PLG: variants seen among roughly 807,000 people sequenced by gnomAD.
The protein encoded by PLG is plasmin.
Under a neutral mutation model 104.4 loss-of-function variants are expected in PLG, and 41 were observed. That is an observed-to-expected ratio of 0.39 (90% confidence interval 0.31 to 0.51). PLG has a LOEUF of 0.51. PLG is among the 20% of genes least tolerant of loss of function. PLG has a pLI of 0.76. For missense variants in PLG, 891 were observed against 1,003.6 expected (o/e 0.89, Z 1.52); for synonymous variants, 337 against 357.1 (o/e 0.94, Z 0.63).
intron 17 of PLG, among the ~76,000 whole-genome samples, chr6:160,750,287 G>A (rs898323933): frequency 7.2e-5 from 11 of 152,098 alleles, no homozygotes; most frequent in Non-Finnish European, 1.2e-4. Flanking sequence ...TCTCCCCAAC[G>A]CCCCATCGGG....
In PLG at chr6:160,738,306, C is replaced by G. The variant is rs1778122596; in HGVS notation, c.1803-232C>G. 3 of 545,278 alleles carry G rather than the reference C, an allele frequency of 5.5e-6. No individual in the cohort carries two copies. The highest frequency in any genetic ancestry group is 6.8e-6 in the Non-Finnish European group (2 of 295,950). 33.8% of individuals were successfully genotyped at this position (545,278 alleles called of 1,614,324 possible). A position where few individuals can be genotyped will look rare whatever the true frequency, so the allele number is the denominator to read the frequency against. On this transcript the variant is annotated intron_variant, in intron 14 of 18. Coordinates refer to ENST00000308192, the MANE Select transcript of PLG (RefSeq NM_000301.5). This position sits in a 1 kb window ranked among gnomAD's most constrained non-coding sequence, Gnocchi z 6.8. ...TTTGCTCTCCTGTGGACAGGCCATG[C>G]CTGTGCCTCCCCCAAGCATCGGAAA...
Position 160,738,981 on chromosome 6 carries a change from T to TC in PLG, c.1878-86dup. The TC allele has an allele frequency of 6.6e-7, 1 of 1,518,218 alleles. No individual in the cohort carries two copies. Among genetic ancestry groups the TC allele is most frequent in the East Asian group, 2.3e-5 (1 of 44,308 alleles). The allele number at this position is 1,518,218 out of a possible 1,614,324, so 94.0% of individuals were successfully genotyped here. Reference sequence around the variant, plus strand: ...CACTAATTCTGAGTGGCCAAGGGTGTCAGGGAGACAGCACCAATTTCATGG... The same window carrying TC: ...CACTAATTCTGAGTGGCCAAGGGTGTCCAGGGAGACAGCACCAATTTCATGG... On this transcript the variant is annotated intron_variant, in intron 15 of 18. Coordinates refer to ENST00000308192, the MANE Select transcript of PLG (RefSeq NM_000301.5). This position sits in a 1 kb window ranked among gnomAD's most constrained non-coding sequence, Gnocchi z 6.8.
chr6:160,718,881 C>A (rs373262924), intron 9 of PLG, 43 bp downstream of exon 9: 218 of 1,584,340 alleles, frequency 1.4e-4, no homozygotes, highest in Non-Finnish European at 1.8e-4. Flanking sequence ...CAAGTTTTCT[C>A]CTTATTTTTG....
chr6:160,729,259 T>C (rs1005006194), intron 10 of PLG, among the ~76,000 whole-genome samples: 3 of 152,234 alleles, frequency 2.0e-5, no homozygotes, highest in African/African-American at 7.2e-5. Flanking sequence ...ATAAGTGCTG[T>C]CACTGATGTG....
rs1451587440 is a variant in PLG at position 160,731,419 on chromosome 6, GA to G, written c.1438+188del. ...AGAGGTGTGACTTTTGGCACAACGT[GA>G]GTGGGCTGTGCCTTTAGGACAGGTG... On this transcript the variant is annotated intron_variant, in intron 11 of 18. Coordinates refer to ENST00000308192, the MANE Select transcript of PLG (RefSeq NM_000301.5). This position sits in a 1 kb window ranked among gnomAD's most constrained non-coding sequence, Gnocchi z 5.1. Among the ~76,000 whole-genome samples the G allele has an allele frequency of 6.6e-6, 1 of 152,212 alleles. No homozygotes were observed. Among genetic ancestry groups the G allele is most frequent in the Non-Finnish European group, 1.5e-5 (1 of 68,036 alleles).
At chr6:160,716,151 G>T (rs1380568147) in intron 6 of PLG, among the ~76,000 whole-genome samples, 1 of 152,236 alleles carries the variant, frequency 6.6e-6, no homozygotes, top group Non-Finnish European at 1.5e-5. Flanking sequence ...TACTAGATGA[G>T]TATCTTTAGG....
rs1210176545 is a variant in PLG at position 160,738,720 on chromosome 6, G to A, written c.1877+108G>A. 1.2e-6 allele frequency: 1 copy of A among 845,692 alleles called. No individual in the cohort carries two copies. Among genetic ancestry groups the A allele is most frequent in the African/African-American group, 1.7e-5 (1 of 60,168 alleles). 52.4% of individuals were successfully genotyped at this position (845,692 alleles called of 1,614,324 possible). A position where few individuals can be genotyped will look rare whatever the true frequency, so the allele number is the denominator to read the frequency against. ...CTCACTCTTCCTCCCTTCCTTCTCT[G>A]GCTGTGACACTAGGGACCAGGCCAG... On this transcript the variant is annotated intron_variant, in intron 15 of 18. Coordinates refer to ENST00000308192, the MANE Select transcript of PLG (RefSeq NM_000301.5). The surrounding 1 kb of genome is among the most constrained non-coding windows in gnomAD (Gnocchi z 6.8).
At position 160,748,382 on chromosome 6, in the gene PLG, A is replaced by AAGAGAGAG. The variant is rs1562383392; in HGVS notation, c.2126-3730_2126-3729insGAGAGAGA. ...AAAGAAAGAAAGAAAGAAAGAAAGA[A>AAGAGAGAG]AGAAAGAAAGAAAGAAAGGAAGAAA... On this transcript the variant is annotated intron_variant, in intron 17 of 18. Coordinates refer to ENST00000308192, the MANE Select transcript of PLG (RefSeq NM_000301.5). Among the ~76,000 whole-genome samples, 82 of 42,458 alleles carry AAGAGAGAG rather than the reference A, an allele frequency of 1.9e-3. 1 individual carries two copies. The highest frequency in any genetic ancestry group is 6.2e-3 in the South Asian group (5 of 804). 27.9% of individuals were successfully genotyped at this position (42,458 alleles called of 152,430 possible).
intron 5 of PLG, among the ~76,000 whole-genome samples, chr6:160,714,049 C>T (rs1407965154): frequency 6.6e-6 from 1 of 152,156 alleles, no homozygotes; most frequent in African/African-American, 2.4e-5. Flanking sequence ...TTTATTTGTA[C>T]ACCATGTTAT....
chr6:160,733,846 GAAAAA>G (rs10540264), intron 12 of PLG, 144 bp from the exon 13 acceptor site: 10,586 of 345,918 alleles, frequency 0.031, 5 homozygotes, highest in East Asian at 0.044. Flanking sequence ...CTCCACCTCA[GAAAAA>G]AAAAAAAAAA....
chr6:160,727,695 T>C (rs113465574), intron 10 of PLG, among the ~76,000 whole-genome samples: 10 of 152,110 alleles, frequency 6.6e-5, no homozygotes, highest in African/African-American at 2.4e-4. Context: ...ATTATGTCAA[T>C]AGATGCAGAA....
intron 4 of PLG, 71 bp downstream of exon 4, chr6:160,711,262 T>C (rs1777636456): frequency 4.3e-6 from 6 of 1,407,032 alleles, no homozygotes; most frequent in Middle Eastern, 1.8e-4. Context: ...GAGGGATTGG[T>C]TCCAGGACCC....
chr6:160,716,044 T>C (rs1040475938), intron 6 of PLG, among the ~76,000 whole-genome samples: 40 of 152,194 alleles, frequency 2.6e-4, no homozygotes, highest in Admixed American at 2.5e-3. Context: ...CTCCTCTTGG[T>C]TTTTCTAAGC....
chr6:160,747,623 T>TTTTG (rs1449476824), intron 17 of PLG, among the ~76,000 whole-genome samples: 6 of 129,394 alleles, frequency 4.6e-5, no homozygotes, highest in Non-Finnish European at 8.4e-5. Context: ...GAAGAAAGGT[T>TTTTG]TGTTTTTGTT....
intron 17 of PLG, among the ~76,000 whole-genome samples, chr6:160,743,399 A>T (rs1370009823): frequency 6.6e-6 from 1 of 151,964 alleles, no homozygotes; most frequent in Non-Finnish European, 1.5e-5. Flanking sequence ...GTATTCTTAC[A>T]TATTTTATTC....
Position 160,739,800 on chromosome 6 carries a change from A to G in PLG, c.2018+592A>G, listed in dbSNP as rs1281008414. ...CAAAAAAACAAAAAACAAACAAAAA[A>G]AAAACAACTTCACAATGTCAAAAAA... is the stretch of plus-strand genomic sequence containing the variant. On this transcript the variant is annotated intron_variant, in intron 16 of 18. Coordinates refer to ENST00000308192, the MANE Select transcript of PLG (RefSeq NM_000301.5). The surrounding 1 kb of genome is among the most constrained non-coding windows in gnomAD (Gnocchi z 4.4). Among the ~76,000 whole-genome samples, 1 of 151,892 alleles carries G rather than the reference A, an allele frequency of 6.6e-6. No homozygotes were observed. The highest frequency in any genetic ancestry group is 6.6e-5 in the Admixed American group (1 of 15,248).
In PLG at chr6:160,738,994, AC is replaced by A; in HGVS notation, c.1878-72del. ...TGGCCAAGGGTGTCAGGGAGACAGC[AC>A]CAATTTCATGGCACAGAGGTTACCT... is the stretch of plus-strand genomic sequence containing the variant. On this transcript the variant is annotated intron_variant, in intron 15 of 18. Coordinates refer to ENST00000308192, the MANE Select transcript of PLG (RefSeq NM_000301.5). The surrounding 1 kb of genome is among the most constrained non-coding windows in gnomAD (Gnocchi z 6.8). 3 of 1,580,352 alleles carry A rather than the reference AC, an allele frequency of 1.9e-6. No homozygotes were observed. The highest frequency in any genetic ancestry group is 2.2e-5 in the South Asian group (2 of 90,334).
chr6:160,706,557 G>C lies in PLG; in HGVS notation c.185+15G>C. The C allele has an allele frequency of 6.2e-7, 1 of 1,611,530 alleles. No homozygotes were observed. Among genetic ancestry groups the C allele is most frequent in the Non-Finnish European group, 8.5e-7 (1 of 1,177,970 alleles). On this transcript the variant is annotated intron_variant, in intron 2 of 18. Transcript: ENST00000308192. Reference sequence around the variant, plus strand: ...TTCACCTGCAGGTATTTCCATTGTCGTTGCACCTACGCAGGAATCTGTAAT... The same window carrying C: ...TTCACCTGCAGGTATTTCCATTGTCCTTGCACCTACGCAGGAATCTGTAAT...
At chr6:160,702,432 T>A in intron 1 of PLG, 79 bp downstream of exon 1, 2 of 1,336,378 alleles carry the variant, frequency 1.5e-6, no homozygotes, top group Non-Finnish European at 2.1e-6. Flanking sequence ...CATGGCTTTA[T>A]GTGCAATTCA....
Sources: gnomAD v4.1 joint callset for allele counts (sites outside exome capture counted in the v4.1 genomes callset) on GRCh38, gnomAD v4.1.1 for gene constraint, Gnocchi (gnomAD v3.1) non-coding constraint, MANE v1.5 for transcripts, NCBI Gene and HGNC (gene_info 2026-07-23, HGNC 2026-07-21) for gene names.